The following UTRN variants were observed in gnomAD, a reference collection of about 807,000 sequenced individuals.
UTRN encodes utrophin, also known as dystrophin-related protein 1.
A neutral mutation model predicts 463.9 loss-of-function variants in UTRN; 283 were observed. That is an observed-to-expected ratio of 0.61 (90% confidence interval 0.55 to 0.67). The LOEUF is 0.67. Ranked by LOEUF, UTRN falls within the 30% of genes least tolerant of loss-of-function variation. The pLI is 0.00. For synonymous variants in UTRN, 1,442 were observed against 1,431.5 expected (o/e 1.01, Z -0.17); for missense variants, 3,922 against 4,084.3 (o/e 0.96, Z 1.08).
At chr6:144,650,235 G>A (rs1007586201) in intron 51 of UTRN, among the ~76,000 whole-genome samples, 1 of 152,124 alleles carries the variant, frequency 6.6e-6, no homozygotes, top group South Asian at 2.1e-4. Flanking sequence ...CTCCCACCAA[G>A]TCCCTCCCAC....
At chr6:144,765,481 A>G (rs1793198245) in intron 58 of UTRN, among the ~76,000 whole-genome samples, 1 of 152,146 alleles carries the variant, frequency 6.6e-6, no homozygotes, top group African/African-American at 2.4e-5. Flanking sequence ...TGGTGCAACC[A>G]TGGCTCATTG....
chr6:144,544,617 C>A (rs913258078), intron 46 of UTRN, among the ~76,000 whole-genome samples: 1 of 152,024 alleles, frequency 6.6e-6, no homozygotes, highest in Admixed American at 6.5e-5. Context: ...AAGCACTCAG[C>A]GCTAAGAGAC....
chr6:144,490,843 A>G, intron 31 of UTRN, 86 bp from the exon 32 acceptor site: 1 of 1,421,322 alleles, frequency 7.0e-7, no homozygotes, highest in Admixed American at 2.6e-5. Context: ...ACTTTATGGT[A>G]CAAATTTTTA....
At chr6:144,476,449 T>A (rs1304091313) in intron 25 of UTRN, among the ~76,000 whole-genome samples, 1 of 152,034 alleles carries the variant, frequency 6.6e-6, no homozygotes, top group Non-Finnish European at 1.5e-5. Context: ...GAATTGGATG[T>A]GTGATAGAAG....
At chr6:144,711,804 C>T (rs555252997) in intron 53 of UTRN, among the ~76,000 whole-genome samples, 1 of 152,304 alleles carries the variant, frequency 6.6e-6, no homozygotes, top group South Asian at 2.1e-4. Context: ...CTGGCCTTTG[C>T]TTAACCCAGT....
chr6:144,830,911 G>C (rs1424844851), intron 69 of UTRN, among the ~76,000 whole-genome samples: 1 of 152,104 alleles, frequency 6.6e-6, no homozygotes, highest in Non-Finnish European at 1.5e-5. Flanking sequence ...CACATTCAGT[G>C]AAGTCATGAA....
chr6:144,437,473 G>T, intron 10 of UTRN, 92 bp from the exon 11 acceptor site: 3 of 1,279,442 alleles, frequency 2.3e-6, no homozygotes, highest in Admixed American at 2.9e-5. Context: ...CTGCATCACT[G>T]ACATTTAGGT....
At chr6:144,583,650 G>A (rs1358423741) in intron 51 of UTRN, 1 of 543,902 alleles carries the variant, frequency 1.8e-6, no homozygotes, top group Admixed American at 3.1e-5. Context: ...CAGTTCTACT[G>A]TTTCTCAGGC....
chr6:144,447,405 G>A, intron 15 of UTRN, 87 bp downstream of exon 15: 1 of 1,389,320 alleles, frequency 7.2e-7, no homozygotes, highest in Non-Finnish European at 9.9e-7. Flanking sequence ...TTTAGTGAAT[G>A]CAGATTACAG....
intron 51 of UTRN, chr6:144,583,632 G>GC: frequency 3.3e-6 from 2 of 611,916 alleles, no homozygotes; most frequent in African/African-American, 1.8e-5. Context: ...AGGATCTCGG[G>GC]TGTCTGACAG....
chr6:144,729,324 T>C (rs889578332), intron 53 of UTRN, among the ~76,000 whole-genome samples: 2 of 152,168 alleles, frequency 1.3e-5, no homozygotes, highest in African/African-American at 4.8e-5. Flanking sequence ...TTATTGACTA[T>C]GGAAGAAAAG....
chr6:144,817,996 T>TTGG (rs1333258125), intron 65 of UTRN, among the ~76,000 whole-genome samples: 1 of 152,178 alleles, frequency 6.6e-6, no homozygotes, highest in Non-Finnish European at 1.5e-5. Context: ...GTTTTTGTTA[T>TTGG]TGGTGGTTTT....
chr6:144,745,017 C>G (rs542379878), intron 54 of UTRN, among the ~76,000 whole-genome samples: 2 of 152,150 alleles, frequency 1.3e-5, no homozygotes, highest in Non-Finnish European at 1.5e-5. Context: ...CCAGACCTTA[C>G]GCTGACCAGG....
intron 3 of UTRN, 37 bp downstream of exon 3, chr6:144,403,221 G>A: frequency 6.3e-7 from 1 of 1,581,316 alleles, no homozygotes; most frequent in Non-Finnish European, 8.7e-7. Context: ...TGGTTCAGAT[G>A]CCGCATTCTG....
chr6:144,455,863 G>C (rs1006823177), intron 19 of UTRN, among the ~76,000 whole-genome samples: 1 of 152,064 alleles, frequency 6.6e-6, no homozygotes, highest in Non-Finnish European at 1.5e-5. Flanking sequence ...ACCATAAATG[G>C]GTCCTAAATA....
At chr6:144,777,063 C>T (rs1032418007) in intron 60 of UTRN, among the ~76,000 whole-genome samples, 1 of 152,126 alleles carries the variant, frequency 6.6e-6, no homozygotes, top group Non-Finnish European at 1.5e-5. Flanking sequence ...TTGTTTGCTT[C>T]TCCATCATGG....
At chr6:144,601,151 C>G (rs562756708) in intron 51 of UTRN, among the ~76,000 whole-genome samples, 54 of 152,280 alleles carry the variant, frequency 3.5e-4, no homozygotes, top group Non-Finnish European at 6.8e-4. Flanking sequence ...GAGAGTAATG[C>G]TATTTTCATG....
intron 7 of UTRN, among the ~76,000 whole-genome samples, chr6:144,426,672 G>A (rs940719033): frequency 6.6e-6 from 1 of 152,094 alleles, no homozygotes; most frequent in Non-Finnish European, 1.5e-5. Context: ...GCAATACAAG[G>A]TCCATAGTTT....
chr6:144,581,855 C>T (rs762895695), intron 51 of UTRN, among the ~76,000 whole-genome samples: 38 of 152,200 alleles, frequency 2.5e-4, no homozygotes, highest in Admixed American at 2.6e-4. Flanking sequence ...CATTCCTCCC[C>T]GCCAATTCCC....
Sources: gnomAD v4.1 joint callset for allele counts (sites outside exome capture counted in the v4.1 genomes callset) on GRCh38, gnomAD v4.1.1 for gene constraint, MANE v1.5 for transcripts, NCBI Gene and HGNC (gene_info 2026-07-23, HGNC 2026-07-21) for gene names.